Variants in FGF22 observed in about 807,000 individuals in gnomAD.
The protein encoded by FGF22 is FGF-22.
A neutral mutation model predicts 10.3 loss-of-function variants in FGF22; 11 were observed. The ratio of observed to expected loss-of-function variants is 1.07; its 90% CI spans 0.67 to 1.77. The LOEUF (loss-of-function observed/expected upper bound fraction) is 1.77, where lower values mean the gene tolerates loss of function less well. FGF22 is among the 40% of genes most tolerant of loss of function. The pLI, the probability that FGF22 is intolerant of heterozygous loss-of-function variation, is 0.00. For missense variants in FGF22, 317 were observed against 273.2 expected, an observed-to-expected ratio of 1.16 and a Z score of -1.13; for synonymous variants, 136 against 122.1, an observed-to-expected ratio of 1.11 and a Z score of -0.75.
intron 1 of FGF22, 47 bp downstream of exon 1, chr19:640,186 C>G (rs1397087609): frequency 8.4e-7 from 1 of 1,194,684 alleles, no homozygotes; most frequent in Admixed American, 4.3e-5. Flanking sequence ...CGGCGGGTGA[C>G]GGCAACGCGG....
At chr19:643,703 GC>G in exon 3 of FGF22, 1 of 1,064,318 alleles carries the variant, frequency 9.4e-7, no homozygotes, top group Non-Finnish European at 1.3e-6. Flanking sequence ...AGCGCTGAGT[GC>G]CCACCGTGTG....
exon 1 of FGF22, chr19:639,900 G>A (rs1985841407): frequency 8.3e-7 from 1 of 1,201,372 alleles, no homozygotes; most frequent in East Asian, 3.6e-5. Context: ...GGAGCGACGA[G>A]CGCGCAGCGA....
chr19:643,448 C>G (rs199913782), exon 3 of FGF22: 4 of 1,611,496 alleles, frequency 2.5e-6, no homozygotes, highest in African/African-American at 2.7e-5. Context: ...GGGAGCGCAT[C>G]GAAGAGAACG....
At chr19:643,276 A>G (rs1985967507) in exon 2 of FGF22, 1 of 1,611,760 alleles carries the variant, frequency 6.2e-7, no homozygotes. Flanking sequence ...CGTCGTGGTC[A>G]TCAAAGCAGT....
exon 3 of FGF22, chr19:643,797 G>A (rs1985996269): frequency 3.4e-6 from 2 of 588,664 alleles, no homozygotes; most frequent in African/African-American, 3.8e-5. Context: ...GTTCAATCCT[G>A]AGTTGGGGAC....
exon 2 of FGF22, chr19:643,299 C>T (rs1290559142): frequency 1.2e-6 from 2 of 1,611,056 alleles, no homozygotes; most frequent in Admixed American, 1.7e-5. Flanking sequence ...CCTCAGGCTT[C>T]TACGTGGCCA....
Position 639,966 on chromosome 19 carries a change from TG to T in FGF22, c.43del (p.Ala15ArgfsTer83). On this transcript the variant is annotated frameshift_variant, in exon 1 of 3. Transcript: ENST00000215530. LOFTEE classifies it high-confidence loss of function. ...TGGCTGGGCCTGGCCTGGCTGCTGC[TG>T]GCGCGGGCGCCGGACGCCGCGGGAA... is the stretch of plus-strand genomic sequence containing the variant. 8.0e-7 allele frequency: 1 copy of T among 1,256,176 alleles called. No individual in the cohort carries two copies. Among genetic ancestry groups the T allele is most frequent in the Non-Finnish European group, 1.0e-6 (1 of 1,003,846 alleles). 77.8% of individuals were successfully genotyped at this position (1,256,176 alleles called of 1,614,324 possible). A position where few individuals can be genotyped will look rare whatever the true frequency, so the allele number is the denominator to read the frequency against.
chr19:640,046 C>T, exon 1 of FGF22: 1 of 1,411,852 alleles, frequency 7.1e-7, no homozygotes, highest in Non-Finnish European at 9.2e-7. Context: ...GGGCGACGTG[C>T]GCTGGCGGCG....
intron 1 of FGF22, among the ~76,000 whole-genome samples, chr19:641,771 C>G (rs1364013999): frequency 1.3e-5 from 2 of 152,076 alleles, no homozygotes; most frequent in African/African-American, 4.8e-5. Flanking sequence ...CCTGGAAGGT[C>G]GGGCTGGGAG....
At chr19:640,191 A>G (rs980154172) in intron 1 of FGF22, 52 bp downstream of exon 1, 2 of 1,144,994 alleles carry the variant, frequency 1.7e-6, no homozygotes, top group African/African-American at 3.3e-5. Context: ...GGTGACGGCA[A>G]CGCGGCCGCC....
chr19:640,836 G>A (rs181719312), intron 1 of FGF22: 291 of 220,650 alleles, frequency 1.3e-3, no homozygotes, highest in Non-Finnish European at 1.1e-3. Context: ...GCCCGGGCCC[G>A]CTGGCTGCCG....
chr19:642,333 C>A (rs1985930574), intron 1 of FGF22, among the ~76,000 whole-genome samples: 1 of 4,074 alleles, frequency 2.5e-4, no homozygotes, highest in Non-Finnish European at 6.8e-4. Context: ...GTGGTGTGAG[C>A]TGTGAGGGCC....
exon 3 of FGF22, chr19:643,832 T>G: frequency 1.9e-6 from 1 of 527,672 alleles, no homozygotes; most frequent in Non-Finnish European, 3.3e-6. Context: ...AGGGCGCCTC[T>G]CGGGCTGAAG....
chr19:643,347 C>T lies in FGF22; in HGVS notation c.318+9C>T, dbSNP rs556875686. The T allele has an allele frequency of 1.5e-5, 18 of 1,195,372 alleles. No homozygotes were observed. Among genetic ancestry groups the T allele is most frequent in the Middle Eastern group, 4.7e-4 (2 of 4,266 alleles). 74.0% of individuals were successfully genotyped at this position (1,195,372 alleles called of 1,614,324 possible). A position where few individuals can be genotyped will look rare whatever the true frequency, so the allele number is the denominator to read the frequency against. Reference sequence around the variant, plus strand: ...GCCGCCTCTACGGGTCGGTGAGTGCCGGGCAGGGCTGGGCGGCGCGGGCAG... The same window carrying T: ...GCCGCCTCTACGGGTCGGTGAGTGCTGGGCAGGGCTGGGCGGCGCGGGCAG... On this transcript the variant is annotated intron_variant, in intron 2 of 2. Coordinates refer to ENST00000215530, the Ensembl canonical transcript of FGF22.
intron 1 of FGF22, 138 bp downstream of exon 1, chr19:640,277 CTG>C: frequency 2.0e-6 from 1 of 500,762 alleles, no homozygotes; most frequent in Non-Finnish European, 3.1e-6. Context: ...TTTCCGTGGT[CTG>C]TGAGATGGGT....
chr19:642,888 T>C (rs11572880), intron 1 of FGF22, among the ~76,000 whole-genome samples: 2,736 of 151,974 alleles, frequency 0.018, 88 homozygotes, highest in African/African-American at 0.062. Flanking sequence ...CCCCCCGCCA[T>C]ACACACACAC....
At chr19:640,979 C>A (rs998477241) in intron 1 of FGF22, 1 of 355,800 alleles carries the variant, frequency 2.8e-6, no homozygotes. Flanking sequence ...CCATCCATGG[C>A]GGGCATGGCC....
chr19:643,213 C>A, intron 1 of FGF22, 22 bp from the exon 2 acceptor site: 1 of 1,399,294 alleles, frequency 7.1e-7, no homozygotes, highest in Non-Finnish European at 9.5e-7. Context: ...GCAAGGCCCT[C>A]CCCGACCCCC....
exon 3 of FGF22, chr19:643,606 G>A: frequency 6.6e-7 from 1 of 1,514,890 alleles, no homozygotes; most frequent in Non-Finnish European, 8.8e-7. Context: ...GTCTCCTGAG[G>A]CCCTGAGAGG....
Sources: allele counts gnomAD v4.1 joint callset (sites outside exome capture counted in the v4.1 genomes callset), GRCh38; gene constraint gnomAD v4.1.1; transcripts MANE v1.5; gene names NCBI Gene and HGNC (gene_info 2026-07-23, HGNC 2026-07-21).